ESRP1: variants seen among roughly 807,000 people sequenced by gnomAD.
ESRP1 encodes epithelial splicing regulatory protein 1.
Under a neutral mutation model 81.7 loss-of-function variants are expected in ESRP1, and 33 were observed. That is an observed-to-expected ratio of 0.40 (90% CI 0.31 to 0.54). The LOEUF is 0.54. Among genes scored for constraint, ESRP1 ranks in the 20% least tolerant of loss-of-function variants. The pLI, the probability that ESRP1 is intolerant of heterozygous loss-of-function variation, is 0.41. For synonymous variants in ESRP1, 320 were observed against 303.3 expected (o/e 1.06, Z -0.57); for missense variants, 672 against 833.1 (o/e 0.81, Z 2.38).
intron 4 of ESRP1, 88 bp downstream of exon 4, chr8:94,646,370 G>A: frequency 2.3e-6 from 2 of 878,500 alleles, no homozygotes; most frequent in Non-Finnish European, 3.4e-6. Context: ...TTTAAATTTT[G>A]TCAGCATATG....
At chr8:94,660,740 A>AAAC (rs1818695630) in intron 4 of ESRP1, among the ~76,000 whole-genome samples, 4 of 121,724 alleles carry the variant, frequency 3.3e-5, no homozygotes, top group African/African-American at 1.1e-4. Context: ...AAAAAAAAAA[A>AAAC]AAACCAAAAC....
intron 13 of ESRP1, among the ~76,000 whole-genome samples, chr8:94,691,059 C>A (rs890972231): frequency 4.6e-5 from 7 of 152,194 alleles, no homozygotes; most frequent in African/African-American, 1.7e-4. Context: ...AGAGGTATGA[C>A]TGAATAGTGG....
chr8:94,674,505 A>C lies in ESRP1; in HGVS notation c.1650A>C (p.Pro550=), dbSNP rs10088078. ...NGLSPPPCKL[P]CLSPPSYTFP... ...TATCCCCACCGCCATGTAAGTTACC[A>C]TGTAAGTTTTTCTTGGGTCTTGGCG... The change falls in exon 12 of 16, where the codon CCA becomes CCC. Residue 550 remains proline (P), a splice_region_variant and synonymous_variant. Coordinates refer to ENST00000433389, the MANE Select transcript of ESRP1 (RefSeq NM_017697.4). 32 of 1,611,446 alleles carry C rather than the reference A, an allele frequency of 2.0e-5. No homozygotes were observed. Among genetic ancestry groups the C allele is most frequent in the Admixed American group, 5.1e-5 (3 of 59,266 alleles).
chr8:94,641,714 G>A (rs1817601619), intron 1 of ESRP1: 4 of 679,740 alleles, frequency 5.9e-6, no homozygotes, highest in Non-Finnish European at 8.9e-6. Flanking sequence ...GGGACGCTCC[G>A]CCGAGACGAG....
intron 13 of ESRP1, among the ~76,000 whole-genome samples, chr8:94,689,851 C>G (rs6471461): frequency 0.47 from 48,177 of 102,228 alleles, 9,293 homozygotes; most frequent in East Asian, 0.64. Context: ...GAGTCTTGCT[C>G]TGTCGCCCAG....
In ESRP1 at chr8:94,697,004, C is replaced by G. The variant is rs527688009; in HGVS notation, c.*35+43C>G. On this transcript the variant is annotated intron_variant, in intron 15 of 15. Transcript: ENST00000433389. ...GCAAGTTAAATTATAAAGGGCCAAA[C>G]AGAGATCAAGATTCTGAAGGCATTT... 3.2e-5 allele frequency: 43 copies of G among 1,337,378 alleles called. No homozygotes were observed. The South Asian group carries it at 4.4e-4, about 14-fold the overall frequency. 82.8% of individuals were successfully genotyped at this position (1,337,378 alleles called of 1,614,324 possible).
chr8:94,672,926 A>ATT (rs11372984), intron 11 of ESRP1, among the ~76,000 whole-genome samples: 1 of 152,244 alleles, frequency 6.6e-6, no homozygotes, highest in Non-Finnish European at 1.5e-5. Context: ...AAAATACTGA[A>ATT]TTTTTTTCCC....
intron 1 of ESRP1, 97 bp from the exon 2 acceptor site, chr8:94,641,859 G>A (rs1817614530): frequency 6.5e-7 from 1 of 1,544,268 alleles, no homozygotes; most frequent in African/African-American, 1.4e-5. Flanking sequence ...GACCCCAAGA[G>A]AGGCGCGGGC....
chr8:94,642,133 C>G (rs1413742729), intron 2 of ESRP1, 49 bp downstream of exon 2: 29 of 1,589,584 alleles, frequency 1.8e-5, no homozygotes, highest in Non-Finnish European at 2.5e-5. Flanking sequence ...CCCAACCCCA[C>G]CGCACCCTAC....
At chr8:94,671,755 A>G in intron 11 of ESRP1, 84 bp downstream of exon 11, 10 of 861,262 alleles carry the variant, frequency 1.2e-5, no homozygotes, top group Non-Finnish European at 1.7e-5. Context: ...TAGATAATCT[A>G]TTAGAAATAT....
At chr8:94,674,575 A>G in intron 12 of ESRP1, 69 bp downstream of exon 12, 1 of 1,419,554 alleles carries the variant, frequency 7.0e-7, no homozygotes, top group Non-Finnish European at 9.5e-7. Flanking sequence ...TGCTTTCGTA[A>G]CTTTCTGTGC....
At chr8:94,674,615 G>GTT in intron 12 of ESRP1, 109 bp downstream of exon 12, 1 of 962,404 alleles carries the variant, frequency 1.0e-6, no homozygotes, top group Non-Finnish European at 1.5e-6. Flanking sequence ...AGGTGAGGTG[G>GTT]TTATATAAGG....
At chr8:94,653,355 T>A (rs908992678) in intron 4 of ESRP1, among the ~76,000 whole-genome samples, 3 of 152,200 alleles carry the variant, frequency 2.0e-5, no homozygotes, top group Non-Finnish European at 4.4e-5. Context: ...GGGCAACTTA[T>A]TTGAATCTTC....
chr8:94,676,345 G>A (rs533388853), intron 12 of ESRP1, among the ~76,000 whole-genome samples: 1 of 96,020 alleles, frequency 1.0e-5, no homozygotes. Context: ...GTGAGACTCA[G>A]TCTCAAAAAA....
chr8:94,646,242 A>G lies in ESRP1; in HGVS notation c.450A>G (p.Ser150=), dbSNP rs1817844713. 1.2e-6 allele frequency: 2 copies of G among 1,612,720 alleles called. No individual in the cohort carries two copies. The highest frequency in any genetic ancestry group is 4.5e-5 in the East Asian group (2 of 44,806). Reference sequence around the variant, plus strand: ...AATTCAAGAAATGTTGCCCTGGTTCACCTGATATTGACAAACTGGACGTTG... The same window carrying G: ...AATTCAAGAAATGTTGCCCTGGTTCGCCTGATATTGACAAACTGGACGTTG... ...RKEFKKCCPG[S]PDIDKLDVAT... Residue 150 remains serine (S), a synonymous_variant, in exon 4 of 16, where the codon TCA becomes TCG. Transcript: ENST00000433389.
chr8:94,676,330 C>G (rs12550043), intron 12 of ESRP1, among the ~76,000 whole-genome samples: 68,345 of 144,480 alleles, frequency 0.47, 18,858 homozygotes, highest in South Asian at 0.68. Flanking sequence ...TCAGCCTGGG[C>G]GACAGTGAGA....
In ESRP1 at chr8:94,652,491, G is replaced by T. The variant is rs1398071870; in HGVS notation, c.490+6209G>T. 9.6e-5 allele frequency among the ~76,000 whole-genome samples: 14 copies of T among 145,612 alleles called. No individual in the cohort carries two copies. In the South Asian group the frequency reaches 1.3e-3, roughly 14 times the overall value. ...GGGGGCTTCTGTGGTTTTTTTTTTT[G>T]AAATTATCTTAGATCCCTTACGGAA... On this transcript the variant is annotated intron_variant, in intron 4 of 15. Coordinates refer to ENST00000433389, the MANE Select transcript of ESRP1 (RefSeq NM_017697.4).
intron 13 of ESRP1, among the ~76,000 whole-genome samples, chr8:94,687,115 T>C (rs1403206393): frequency 6.6e-6 from 1 of 152,176 alleles, no homozygotes; most frequent in African/African-American, 2.4e-5. Context: ...AAAAGAAACC[T>C]TATGCCCATT....
At position 94,706,271 on chromosome 8, in the gene ESRP1, T is replaced by C. The variant is rs1810066944; in HGVS notation, c.*382T>C. 7.1e-6 allele frequency: 2 copies of C among 279,722 alleles called. No individual in the cohort carries two copies. The highest frequency in any genetic ancestry group is 1.6e-4 in the South Asian group (2 of 12,742). The allele number at this position is 279,722 out of a possible 1,614,324, so 17.3% of individuals were successfully genotyped here. ...AAAAACTCCACCAGTGTCTACCATC[T>C]CCACCATGAACTCTGTTAAGGAAGC... On this transcript the variant is annotated 3_prime_UTR_variant, in exon 16 of 16. Transcript: ENST00000433389.
Sources: gnomAD v4.1 joint callset for allele counts (sites outside exome capture counted in the v4.1 genomes callset) on GRCh38, gnomAD v4.1.1 for gene constraint, MANE v1.5 for transcripts, NCBI Gene and HGNC (gene_info 2026-07-23, HGNC 2026-07-21) for gene names.